ERG: variants seen among roughly 807,000 people sequenced by gnomAD.
The protein encoded by ERG is ETS transcription factor ERG.
A neutral mutation model predicts 55.3 loss-of-function variants in ERG; 9 were observed. The observed-to-expected ratio is 0.16, with a 90% CI of 0.10 to 0.28. The LOEUF (loss-of-function observed/expected upper bound fraction) is 0.28. ERG is among the 10% of genes least tolerant of loss of function. The pLI, the probability that ERG is intolerant of heterozygous loss-of-function variation, is 1.00. For missense variants in ERG, 434 were observed against 631.6 expected, an observed-to-expected ratio of 0.69 and a Z score of 3.35; for synonymous variants, 223 against 237.3, an observed-to-expected ratio of 0.94 and a Z score of 0.55.
intron 2 of ERG, among the ~76,000 whole-genome samples, chr21:38,573,154 A>T (rs1475926874): frequency 6.6e-6 from 1 of 152,134 alleles, no homozygotes; most frequent in African/African-American, 2.4e-5. Context: ...TCTAGCCTCA[A>T]TAAACCAGGG....
chr21:38,563,996 C>A (rs2059907870), intron 2 of ERG, among the ~76,000 whole-genome samples: 1 of 152,094 alleles, frequency 6.6e-6, no homozygotes, highest in Admixed American at 6.5e-5. Context: ...GTAATCTTTT[C>A]TGATTGGTTT....
intron 3 of ERG, among the ~76,000 whole-genome samples, chr21:38,409,488 TAAAAAAAAAAA>T (rs71330329): frequency 2.5e-5 from 2 of 79,532 alleles, no homozygotes; most frequent in Admixed American, 3.4e-4. Flanking sequence ...CTCCGTCTCA[TAAAAAAAAAAA>T]AAAAAAAAAA....
chr21:38,576,760 T>C (rs1278926675), intron 1 of ERG, among the ~76,000 whole-genome samples: 3 of 151,928 alleles, frequency 2.0e-5, no homozygotes, highest in Non-Finnish European at 4.4e-5. Context: ...AGAGCAGGGG[T>C]GAGAGGAGAG....
chr21:38,369,394 T>G, the ERG span, among the ~76,000 whole-genome samples: 1 of 152,246 alleles, frequency 6.6e-6, no homozygotes, highest in Non-Finnish European at 1.5e-5. Flanking sequence ...TTTCAAATAA[T>G]TGTTGGCCAC....
chr21:38,499,746 A>AGAG (rs1207834267), upstream of ERG, among the ~76,000 whole-genome samples: 156 of 149,856 alleles, frequency 1.0e-3, no homozygotes, highest in African/African-American at 3.5e-3. Context: ...GAGAGGAAGG[A>AGAG]GAGGAGGAGG....
Position 38,530,947 on chromosome 21 carries a change from A to G in ERG, c.-41+44715T>C, listed in dbSNP as rs185849019. On this transcript the variant is annotated intron_variant, in intron 2 of 8. Coordinates refer to the ERG transcript ENST00000398897. Reference sequence around the variant, plus strand: ...TAAAGTTCTACATGGGAAGCTGCTGAACTACAGTCAGGCCAAACCTTCATA... The same window carrying G: ...TAAAGTTCTACATGGGAAGCTGCTGGACTACAGTCAGGCCAAACCTTCATA... 1.7e-3 allele frequency among the ~76,000 whole-genome samples: 253 copies of G among 152,338 alleles called. 1 individual carries two copies. The highest frequency in any genetic ancestry group is 6.0e-3 in the African/African-American group (251 of 41,584).
chr21:38,473,133 C>G (rs2059155371), intron 1 of ERG, among the ~76,000 whole-genome samples: 1 of 135,790 alleles, frequency 7.4e-6, no homozygotes, highest in African/African-American at 2.8e-5. Context: ...CAAATACATA[C>G]TTCAAAATGA....
At chr21:38,491,696 C>G (rs2059337541) in intron 1 of ERG, among the ~76,000 whole-genome samples, 1 of 152,154 alleles carries the variant, frequency 6.6e-6, no homozygotes, top group South Asian at 2.1e-4. Flanking sequence ...CATGAACACC[C>G]TGCTGAAAGA....
intron 1 of ERG, among the ~76,000 whole-genome samples, chr21:38,642,821 T>C (rs1568968825): frequency 1.3e-5 from 2 of 152,228 alleles, no homozygotes; most frequent in Non-Finnish European, 2.9e-5. Context: ...AAGGCATTGA[T>C]TCAAATACTT....
At chr21:38,520,587 T>G (rs1485927687) in intron 2 of ERG, among the ~76,000 whole-genome samples, 9 of 152,200 alleles carry the variant, frequency 5.9e-5, no homozygotes, top group African/African-American at 2.2e-4. Context: ...TCTGAAGGTT[T>G]TGTGTACAGA....
intron 1 of ERG, among the ~76,000 whole-genome samples, chr21:38,447,668 C>T (rs1489614730): frequency 6.6e-6 from 1 of 151,744 alleles, no homozygotes; most frequent in Admixed American, 6.6e-5. Context: ...CTAATTAAGA[C>T]AAAAATTAGA....
chr21:38,542,229 C>A (rs1223972681), intron 2 of ERG, among the ~76,000 whole-genome samples: 3 of 152,144 alleles, frequency 2.0e-5, no homozygotes, highest in Admixed American at 6.5e-5. Context: ...ACCTCGTGAT[C>A]CACCCGCCTC....
In ERG at chr21:38,468,098, G is replaced by A. The variant is rs564771971; in HGVS notation, c.19-22477C>T. ...AACTCCTCTTAGTCCACAAGGTGACGTGTTAGTGCTTCAAGTGAAAGGGCT... is the reference window on the plus strand; with the variant it reads ...AACTCCTCTTAGTCCACAAGGTGACATGTTAGTGCTTCAAGTGAAAGGGCT... On this transcript the variant is annotated intron_variant, in intron 1 of 9. Coordinates refer to ENST00000288319, the MANE Select transcript of ERG (RefSeq NM_182918.4). 3.0e-4 allele frequency among the ~76,000 whole-genome samples: 45 copies of A among 152,350 alleles called. No homozygotes were observed. In the South Asian group the frequency reaches 9.3e-3, roughly 32 times the overall value.
downstream of ERG, among the ~76,000 whole-genome samples, chr21:38,377,238 G>A (rs1011940376): frequency 3.9e-5 from 6 of 152,210 alleles, no homozygotes; most frequent in African/African-American, 7.2e-5. Flanking sequence ...ATCAAAAGTA[G>A]TAGCAATTAG....
At chr21:38,455,655 A>G (rs2058981291) in intron 1 of ERG, among the ~76,000 whole-genome samples, 1 of 152,094 alleles carries the variant, frequency 6.6e-6, no homozygotes, top group African/African-American at 2.4e-5. Flanking sequence ...TTTATTCATG[A>G]GAAAATTCTG....
chr21:38,648,498 T>C (rs746216504), intron 1 of ERG, among the ~76,000 whole-genome samples: 1 of 152,236 alleles, frequency 6.6e-6, no homozygotes, highest in Non-Finnish European at 1.5e-5. Context: ...ATGTTTTCTG[T>C]CCTGAAAATC....
chr21:38,423,726 G>A (rs993827713), intron 2 of ERG, among the ~76,000 whole-genome samples, 165 bp from the exon 3 acceptor site: 18 of 152,300 alleles, frequency 1.2e-4, no homozygotes, highest in African/African-American at 2.9e-4. Flanking sequence ...CGTGGCTCAT[G>A]CCTGTAGTCC....
chr21:38,607,086 A>T (rs1295495195), intron 1 of ERG, among the ~76,000 whole-genome samples: 3 of 152,246 alleles, frequency 2.0e-5, no homozygotes, highest in African/African-American at 7.2e-5. Context: ...CCTGATGGAT[A>T]CAAGATTTCT....
At chr21:38,388,517 T>C (rs1987813914) in intron 9 of ERG, among the ~76,000 whole-genome samples, 1 of 151,980 alleles carries the variant, frequency 6.6e-6, no homozygotes, top group African/African-American at 2.4e-5. Flanking sequence ...AATAGAAAAA[T>C]AGAATCAAAC....
Sources: gnomAD v4.1 joint callset for allele counts (sites outside exome capture counted in the v4.1 genomes callset) on GRCh38, gnomAD v4.1.1 for gene constraint, MANE v1.5 for transcripts, NCBI Gene and HGNC (gene_info 2026-07-23, HGNC 2026-07-21) for gene names.